SLC35F4: variants seen among roughly 807,000 people sequenced by gnomAD.
SLC35F4 encodes solute carrier family 35 member F4.
In SLC35F4, 24 loss-of-function variants were observed where a neutral mutation model predicts 44.2. That is an observed-to-expected ratio of 0.54 (90% CI 0.39 to 0.76). The LOEUF is 0.76. Among genes scored for constraint, SLC35F4 ranks in the 30% least tolerant of loss-of-function variants. The probability of loss-of-function intolerance (pLI) is 0.00; values close to 1 mark genes in which losing one functional copy is unlikely to be tolerated. For synonymous variants in SLC35F4, 238 were observed against 223.6 expected (o/e 1.06, Z -0.57); for missense variants, 562 against 586.1 (o/e 0.96, Z 0.42).
chr14:57,949,514 A>C (rs1890096722), intron 1 of SLC35F4, among the ~76,000 whole-genome samples: 1 of 152,196 alleles, frequency 6.6e-6, no homozygotes, highest in African/African-American at 2.4e-5. Context: ...TGAAGCATTT[A>C]AGCCATTTGC....
intron 1 of SLC35F4, among the ~76,000 whole-genome samples, chr14:57,741,787 T>C (rs969861101): frequency 6.6e-6 from 1 of 152,016 alleles, no homozygotes; most frequent in Non-Finnish European, 1.5e-5. Context: ...TTCACCAAAG[T>C]TGAAACGAAG....
chr14:57,770,990 A>C (rs774143840), intron 1 of SLC35F4, among the ~76,000 whole-genome samples: 3 of 152,172 alleles, frequency 2.0e-5, no homozygotes, highest in Non-Finnish European at 4.4e-5. Context: ...TTCACTGGCC[A>C]ATTGTAAATT....
chr14:57,646,691 C>G (rs774895441), intron 1 of SLC35F4, among the ~76,000 whole-genome samples: 16 of 152,142 alleles, frequency 1.1e-4, no homozygotes, highest in Non-Finnish European at 2.1e-4. Context: ...TCTTGCTTCT[C>G]TAGTTCTTTT....
intron 1 of SLC35F4, among the ~76,000 whole-genome samples, chr14:57,670,839 A>G (rs912758586): frequency 6.6e-6 from 1 of 151,842 alleles, no homozygotes; most frequent in Non-Finnish European, 1.5e-5. Flanking sequence ...TTCTAATCCC[A>G]GAAAGACTAG....
intron 1 of SLC35F4, among the ~76,000 whole-genome samples, chr14:57,792,488 T>C (rs1296117530): frequency 1.3e-5 from 2 of 152,124 alleles, no homozygotes; most frequent in Admixed American, 1.3e-4. Context: ...AATTTGCAAC[T>C]GCAACAATAT....
In SLC35F4 at chr14:57,803,139, G is replaced by T. The variant is rs544619625; in HGVS notation, c.103+62584C>A. On this transcript the variant is annotated intron_variant, in intron 1 of 7. Transcript: ENST00000556826. ...GTTGTCTTCATCCCCAGGATTCAAGGTTGGTTTAACATATGCAAATCAATA... is the reference window on the plus strand; with the variant it reads ...GTTGTCTTCATCCCCAGGATTCAAGTTTGGTTTAACATATGCAAATCAATA... Among the ~76,000 whole-genome samples, 5 of 152,186 alleles carry T rather than the reference G, an allele frequency of 3.3e-5. No individual in the cohort carries two copies. In the South Asian group the frequency reaches 6.2e-4, roughly 19 times the overall value.
intron 1 of SLC35F4, among the ~76,000 whole-genome samples, chr14:57,831,237 C>T (rs1213022274): frequency 6.6e-6 from 1 of 152,134 alleles, no homozygotes; most frequent in Admixed American, 6.6e-5. Context: ...TCTTTCTCTC[C>T]CTGCCATGTG....
At chr14:57,656,457 AC>A (rs1176623267) in intron 1 of SLC35F4, among the ~76,000 whole-genome samples, 1 of 151,582 alleles carries the variant, frequency 6.6e-6, no homozygotes, top group Admixed American at 6.6e-5. Flanking sequence ...GGACATTAAA[AC>A]CCTAAATTAG....
intron 1 of SLC35F4, among the ~76,000 whole-genome samples, chr14:57,632,580 C>T (rs1253700080): frequency 6.6e-6 from 1 of 151,964 alleles, no homozygotes; most frequent in Admixed American, 6.6e-5. Flanking sequence ...CCATAGCCTC[C>T]CCCATTATCA....
intron 1 of SLC35F4, among the ~76,000 whole-genome samples, chr14:57,654,192 T>C (rs1011604057): frequency 6.6e-6 from 1 of 152,202 alleles, no homozygotes; most frequent in Admixed American, 6.5e-5. Flanking sequence ...TTGGCTTACA[T>C]GAATTAGTTC....
chr14:57,664,545 A>T (rs2074244549), intron 1 of SLC35F4, among the ~76,000 whole-genome samples: 1 of 152,144 alleles, frequency 6.6e-6, no homozygotes. Flanking sequence ...AGTAGCTAGG[A>T]CTACAGGCAC....
chr14:57,707,758 T>C (rs2075714569), intron 1 of SLC35F4, among the ~76,000 whole-genome samples: 1 of 152,166 alleles, frequency 6.6e-6, no homozygotes, highest in Admixed American at 6.5e-5. Flanking sequence ...TGGGAAAGCT[T>C]GGAACTTCCT....
chr14:57,759,880 G>GTT (rs60160945), intron 1 of SLC35F4, among the ~76,000 whole-genome samples: 26,754 of 140,314 alleles, frequency 0.19, 2,464 homozygotes, highest in African/African-American at 0.22. Flanking sequence ...TTCTTTGCTT[G>GTT]TTTTTTTTTT....
chr14:57,676,323 C>T (rs1327944064), intron 1 of SLC35F4, among the ~76,000 whole-genome samples: 1 of 152,076 alleles, frequency 6.6e-6, no homozygotes, highest in Non-Finnish European at 1.5e-5. Flanking sequence ...AGCAAACTAA[C>T]ACAGGAACGG....
At chr14:57,725,484 A>G (rs554162311) in intron 1 of SLC35F4, among the ~76,000 whole-genome samples, 1 of 152,194 alleles carries the variant, frequency 6.6e-6, no homozygotes, top group Non-Finnish European at 1.5e-5. Flanking sequence ...CCTATCCTGC[A>G]TGCAATGCTT....
At chr14:57,696,789 A>G (rs2075395142) in intron 1 of SLC35F4, among the ~76,000 whole-genome samples, 2 of 152,312 alleles carry the variant, frequency 1.3e-5, no homozygotes, top group Admixed American at 1.3e-4. Context: ...GACGCTGGAA[A>G]CCATCATACT....
At chr14:57,789,506 A>T (rs1263511666) in intron 1 of SLC35F4, among the ~76,000 whole-genome samples, 2 of 152,192 alleles carry the variant, frequency 1.3e-5, no homozygotes, top group East Asian at 3.9e-4. Flanking sequence ...AGTAATTAAT[A>T]GCCTACCAAC....
downstream of SLC35F4, among the ~76,000 whole-genome samples, chr14:57,972,041 T>C (rs75303032): frequency 3.2e-3 from 485 of 152,214 alleles, 2 homozygotes; most frequent in African/African-American, 0.011. Context: ...ATCAGTTCTA[T>C]GAAGGATAAT....
At chr14:57,869,079 T>TAC (rs1888241397), upstream of SLC35F4, among the ~76,000 whole-genome samples, 4 of 152,162 alleles carry the variant, frequency 2.6e-5, no homozygotes, top group Admixed American at 2.6e-4. Context: ...GCAGAGGGTA[T>TAC]CTATCTGTGA....
Sources: gnomAD v4.1 joint callset for allele counts (sites outside exome capture counted in the v4.1 genomes callset) on GRCh38, gnomAD v4.1.1 for gene constraint, MANE v1.5 for transcripts, NCBI Gene and HGNC (gene_info 2026-07-23, HGNC 2026-07-21) for gene names.